The following MBD5 variants were observed in gnomAD, a reference collection of about 807,000 sequenced individuals.
MBD5 encodes methyl-CpG binding domain protein 5.
In MBD5, 13 loss-of-function variants were observed where a neutral mutation model predicts 117.3. The ratio of observed to expected loss-of-function variants is 0.11; its 90% CI spans 0.07 to 0.18. The LOEUF is 0.18. Ranked by LOEUF, MBD5 falls within the 10% of genes least tolerant of loss-of-function variation. The probability of loss-of-function intolerance (pLI) is 1.00; values close to 1 mark genes in which losing one functional copy is unlikely to be tolerated. For synonymous variants in MBD5, 727 were observed against 766.4 expected (o/e 0.95, Z 0.85); for missense variants, 1,879 against 2,093.8 (o/e 0.90, Z 2.00).
intron 1 of MBD5, among the ~76,000 whole-genome samples, chr2:148,058,429 G>A (rs1694933538): frequency 6.6e-6 from 1 of 151,858 alleles, no homozygotes; most frequent in South Asian, 2.1e-4. Flanking sequence ...TTCAGTATTT[G>A]CGATTTTATT....
intron 1 of MBD5, among the ~76,000 whole-genome samples, chr2:148,107,600 A>G (rs566320973): frequency 6.6e-6 from 1 of 151,832 alleles, no homozygotes; most frequent in Non-Finnish European, 1.5e-5. Flanking sequence ...TTTCAGCTAT[A>G]TTGAAGTTGC....
At chr2:148,258,165 A>AT in intron 3 of MBD5, among the ~76,000 whole-genome samples, 1 of 152,160 alleles carries the variant, frequency 6.6e-6, no homozygotes, top group African/African-American at 2.4e-5. Context: ...ATGTCCGTGC[A>AT]GCACCAGCTA....
At chr2:148,074,495 G>GTTTTTTTTTTTGTT (rs1695445186) in intron 1 of MBD5, among the ~76,000 whole-genome samples, 1 of 109,830 alleles carries the variant, frequency 9.1e-6, no homozygotes, top group Admixed American at 9.6e-5. Context: ...TTTTTTTTTT[G>GTTTTTTTTTTTGTT]TTTTTTTTTT....
chr2:148,197,901 C>T lies in MBD5; in HGVS notation c.-831+19108C>T, dbSNP rs138810804. 9.5e-3 allele frequency among the ~76,000 whole-genome samples: 1,420 copies of T among 149,552 alleles called. 18 individuals are homozygous for T. The highest frequency in any genetic ancestry group is 0.033 in the African/African-American group (1,359 of 40,706). ...TGATCTCGCCTAACTGCAACCTCCACCTCCCGGGTTCAAGCGATTCTCCTG... is the reference window on the plus strand; with the variant it reads ...TGATCTCGCCTAACTGCAACCTCCATCTCCCGGGTTCAAGCGATTCTCCTG... On this transcript the variant is annotated intron_variant, in intron 2 of 13. Transcript: ENST00000642680.
chr2:148,379,297 A>G (rs1278782305), intron 4 of MBD5, among the ~76,000 whole-genome samples: 2 of 152,120 alleles, frequency 1.3e-5, no homozygotes, highest in African/African-American at 4.8e-5. Flanking sequence ...AAAAGAAACA[A>G]TGAAATTTAC....
chr2:148,040,507 T>C (rs1694325126), intron 1 of MBD5, among the ~76,000 whole-genome samples: 1 of 152,214 alleles, frequency 6.6e-6, no homozygotes, highest in Non-Finnish European at 1.5e-5. Context: ...AAAACTAAGT[T>C]ACTTTGATGT....
chr2:148,148,301 G>A (rs572800080), intron 1 of MBD5, among the ~76,000 whole-genome samples: 2 of 152,278 alleles, frequency 1.3e-5, no homozygotes, highest in East Asian at 3.9e-4. Flanking sequence ...TAACCTCTTA[G>A]TGACTGCTCA....
intron 1 of MBD5, among the ~76,000 whole-genome samples, chr2:148,172,679 G>T (rs779989308): frequency 1.3e-5 from 2 of 152,142 alleles, no homozygotes; most frequent in African/African-American, 2.4e-5. Flanking sequence ...GGTGGAGTCT[G>T]CCAGTCAGAG....
chr2:148,090,808 A>G (rs1443358576), intron 1 of MBD5, among the ~76,000 whole-genome samples: 1 of 152,166 alleles, frequency 6.6e-6, no homozygotes, highest in Non-Finnish European at 1.5e-5. Flanking sequence ...CACTTTCACC[A>G]CTTCTATTCA....
intron 4 of MBD5, among the ~76,000 whole-genome samples, chr2:148,416,041 GTTTT>G (rs928077011): frequency 9.9e-5 from 15 of 152,218 alleles, no homozygotes; most frequent in Middle Eastern, 3.4e-3. Context: ...GATGCTCTGG[GTTTT>G]TTTGAGTTAC....
intron 4 of MBD5, among the ~76,000 whole-genome samples, chr2:148,418,799 CCAAA>C (rs1454129009): frequency 6.6e-6 from 1 of 151,874 alleles, no homozygotes; most frequent in East Asian, 1.9e-4. Flanking sequence ...CCATAGTGCC[CCAAA>C]CAATCTACAG....
chr2:148,179,935 T>A (rs1356664158), intron 2 of MBD5, among the ~76,000 whole-genome samples: 1 of 152,164 alleles, frequency 6.6e-6, no homozygotes, highest in African/African-American at 2.4e-5. Context: ...TATTTTTAAA[T>A]GTCAGCATAA....
chr2:148,495,681 A>C (rs1366553420), intron 11 of MBD5, among the ~76,000 whole-genome samples: 1 of 152,258 alleles, frequency 6.6e-6, no homozygotes, highest in South Asian at 2.1e-4. Context: ...TTTTCAAAGC[A>C]TAAGTGGGTA....
Position 148,389,136 on chromosome 2 carries a change from T to A in MBD5, c.-557+46800T>A, listed in dbSNP as rs543199508. On this transcript the variant is annotated intron_variant, in intron 4 of 13. Coordinates refer to ENST00000642680, the MANE Select transcript of MBD5 (RefSeq NM_001378120.1). ...TAATGGCCTCCTGCTCCATCCATGT[T>A]GCTGCAAAGGACATAATTTCATTCT... Among the ~76,000 whole-genome samples the A allele has an allele frequency of 6.7e-5, 10 of 149,388 alleles. No homozygotes were observed. The South Asian group carries it at 2.1e-3, about 32-fold the overall frequency.
chr2:148,308,019 A>C (rs1484984865), intron 3 of MBD5, among the ~76,000 whole-genome samples: 2 of 152,098 alleles, frequency 1.3e-5, no homozygotes, highest in East Asian at 3.8e-4. Flanking sequence ...TATATGCCAC[A>C]ATTTCTTTAT....
rs189538475 is a variant in MBD5, at chr2:148,103,964, A to C, written c.-924-74736A>C. Among the ~76,000 whole-genome samples, 857 of 152,324 alleles carry C rather than the reference A, an allele frequency of 5.6e-3. 3 individuals are homozygous for C. Among genetic ancestry groups the C allele is most frequent in the Non-Finnish European group, 9.7e-3 (658 of 68,014 alleles). On this transcript the variant is annotated intron_variant, in intron 1 of 13. Coordinates refer to ENST00000642680, the MANE Select transcript of MBD5 (RefSeq NM_001378120.1). ...CCAAGGCAGTATGGCATATGTGTGC[A>C]TGATGAGGCTGTGAGAATATGAGAT... is the stretch of plus-strand genomic sequence containing the variant.
intron 2 of MBD5, among the ~76,000 whole-genome samples, chr2:148,181,546 T>C (rs2105857185): frequency 6.6e-6 from 1 of 152,342 alleles, no homozygotes; most frequent in East Asian, 1.9e-4. Context: ...TTCAGTCTAA[T>C]GTGTGTAATT....
In MBD5 at chr2:148,483,773, T is replaced by C. The variant is rs1681244129; in HGVS notation, c.3182T>C (p.Phe1061Ser). 5.8e-6 allele frequency: 9 copies of C among 1,550,430 alleles called. No individual in the cohort carries two copies. The highest frequency in any genetic ancestry group is 7.0e-6 in the Non-Finnish European group (8 of 1,146,976). The change falls in exon 9 of 14, where the codon TTT becomes TCT. Residue 1061 changes from phenylalanine to serine, a missense_variant. Transcript: ENST00000642680. ...CCCCTGGGGAACCCTTTACCAAGCT[T>C]TGCAGGCAGTGACACTACTTTTAAC... is the stretch of plus-strand genomic sequence containing the variant. ...TSPLGNPLPS[F>S]AGSDTTFNPL...
At position 148,458,476 on chromosome 2, in the gene MBD5, A is replaced by T. The variant is rs1706953399; in HGVS notation, c.-283A>T. 1 of 580,628 alleles carries T rather than the reference A, an allele frequency of 1.7e-6. No homozygotes were observed. The highest frequency in any genetic ancestry group is 2.8e-5 in the East Asian group (1 of 36,094). The allele number at this position is 580,628 out of a possible 1,614,324, so 36.0% of individuals were successfully genotyped here. A position where few individuals can be genotyped will look rare whatever the true frequency, so the allele number is the denominator to read the frequency against. The stretch of plus-strand genomic sequence containing the variant: ...AGACAGGTACCAGCATTGGTGAATT[A>T]TGATTTTCCTTAGTCAGAAGCACTC... On this transcript the variant is annotated 5_prime_UTR_variant, in exon 5 of 14. The change abolishes an upstream ATG in the 5' untranslated region. Transcript: ENST00000642680.
Sources: gnomAD v4.1 joint callset for allele counts (sites outside exome capture counted in the v4.1 genomes callset) on GRCh38, gnomAD v4.1.1 for gene constraint, MANE v1.5 for transcripts, NCBI Gene and HGNC (gene_info 2026-07-23, HGNC 2026-07-21) for gene names.